The following GATAD2B variants were observed in gnomAD, a reference collection of about 807,000 sequenced individuals.
GATAD2B encodes the protein transcriptional repressor p66-beta.
GATAD2B carries 8 observed loss-of-function variants against 64.3 expected under a neutral mutation model. The ratio of observed to expected loss-of-function variants is 0.12; its 90% CI spans 0.07 to 0.22. The LOEUF (loss-of-function observed/expected upper bound fraction) is 0.22. Among genes scored for constraint, GATAD2B ranks in the 10% least tolerant of loss-of-function variants. The probability of loss-of-function intolerance (pLI) is 1.00; values close to 1 mark genes in which losing one functional copy is unlikely to be tolerated. For missense variants in GATAD2B, 453 were observed against 752.0 expected (o/e 0.60, Z 4.65); for synonymous variants, 281 against 271.3 (o/e 1.04, Z -0.35).
intron 1 of GATAD2B, among the ~76,000 whole-genome samples, chr1:153,912,811 G>C (rs1289200495): frequency 6.6e-6 from 1 of 152,118 alleles, no homozygotes; most frequent in African/African-American, 2.4e-5. Flanking sequence ...AGACAGGACA[G>C]GCTGGGCACA....
At chr1:153,836,557 A>T (rs1389129549) in intron 1 of GATAD2B, among the ~76,000 whole-genome samples, 1 of 131,126 alleles carries the variant, frequency 7.6e-6, no homozygotes, top group Non-Finnish European at 1.7e-5. Context: ...AGCCTAAAAA[A>T]GTTAAAAAAA....
chr1:153,824,780 A>G (rs907434547), intron 2 of GATAD2B, among the ~76,000 whole-genome samples: 1 of 151,848 alleles, frequency 6.6e-6, no homozygotes, highest in Admixed American at 6.6e-5. Context: ...GAGTGTTAAC[A>G]AAGTTTCTAT....
chr1:153,815,877 A>G (rs1674463651), intron 7 of GATAD2B, among the ~76,000 whole-genome samples: 1 of 151,912 alleles, frequency 6.6e-6, no homozygotes, highest in African/African-American at 2.4e-5. Context: ...ACATGATGAA[A>G]CCCCGTCTCT....
intron 1 of GATAD2B, among the ~76,000 whole-genome samples, 166 bp downstream of exon 1, chr1:153,922,567 C>A (rs1171079982): frequency 4.0e-5 from 6 of 150,080 alleles, no homozygotes; most frequent in African/African-American, 1.5e-4. Flanking sequence ...GGCGGGGGCG[C>A]GCGGGCGGGC....
chr1:153,819,734 C>A lies in GATAD2B; in HGVS notation c.337G>T (p.Glu113Ter). The A allele has an allele frequency of 6.3e-7, 1 of 1,590,916 alleles. No individual in the cohort carries two copies. The highest frequency in any genetic ancestry group is 8.5e-7 in the Non-Finnish European group (1 of 1,172,234). ...EPVDMSARRS[E>*]PERGRLTPSP... Reference sequence around the variant, plus strand: ...GGAGTTAGCCTTCCTCGCTCTGGCTCACTAGACAAGAAAGGGAAAAAATAA... The same window carrying A: ...GGAGTTAGCCTTCCTCGCTCTGGCTAACTAGACAAGAAAGGGAAAAAATAA... The change falls in exon 3 of 11, where the codon GAG becomes TAG. Residue 113 changes from glutamate to a stop codon, truncating the protein, a stop_gained and splice_region_variant. Coordinates refer to ENST00000368655, the MANE Select transcript of GATAD2B (RefSeq NM_020699.4). LOFTEE classifies it high-confidence loss of function.
At chr1:153,893,538 A>T (rs987196373) in intron 1 of GATAD2B, among the ~76,000 whole-genome samples, 3 of 151,740 alleles carry the variant, frequency 2.0e-5, no homozygotes, top group African/African-American at 7.3e-5. Flanking sequence ...GAGCTGCAGG[A>T]GGCAGAGGTT....
At chr1:153,846,931 G>A (rs777816319) in intron 1 of GATAD2B, among the ~76,000 whole-genome samples, 10 of 151,858 alleles carry the variant, frequency 6.6e-5, no homozygotes, top group African/African-American at 9.7e-5. Flanking sequence ...TAGTTCCAAC[G>A]AATTAGTCAT....
chr1:153,817,923 G>T, intron 5 of GATAD2B, 117 bp downstream of exon 5: 4 of 832,030 alleles, frequency 4.8e-6, no homozygotes, highest in Non-Finnish European at 7.4e-6. Context: ...AGAACAATCA[G>T]TAGTAATAAC....
At chr1:153,911,831 GTCC>G (rs754305728) in intron 1 of GATAD2B, among the ~76,000 whole-genome samples, 2 of 151,966 alleles carry the variant, frequency 1.3e-5, no homozygotes, top group Non-Finnish European at 2.9e-5. Flanking sequence ...AAATCTCACT[GTCC>G]TCCTCTAATA....
intron 1 of GATAD2B, among the ~76,000 whole-genome samples, chr1:153,868,700 CAT>C (rs555291457): frequency 5.8e-4 from 88 of 151,462 alleles, no homozygotes; most frequent in African/African-American, 1.9e-3. Flanking sequence ...ATCTTATTCA[CAT>C]GTCACCAGTT....
chr1:153,908,659 G>A (rs1678021414), intron 1 of GATAD2B, among the ~76,000 whole-genome samples: 1 of 151,380 alleles, frequency 6.6e-6, no homozygotes, highest in Non-Finnish European at 1.5e-5. Context: ...GTAGAAACAG[G>A]GATTCTCCAT....
intron 1 of GATAD2B, among the ~76,000 whole-genome samples, chr1:153,846,839 G>A (rs964610981): frequency 8.6e-5 from 13 of 151,906 alleles, no homozygotes; most frequent in African/African-American, 2.9e-4. Flanking sequence ...GATTACAGGC[G>A]TGAGCCACCG....
At position 153,916,022 on chromosome 1, in the gene GATAD2B, G is replaced by A. The variant is rs146531284; in HGVS notation, c.-2+6711C>T. Among the ~76,000 whole-genome samples the A allele has an allele frequency of 7.0e-4, 106 of 152,272 alleles. 1 individual carries two copies. The highest frequency in any genetic ancestry group is 1.3e-3 in the Non-Finnish European group (86 of 68,018). ...CAGCCGGGTGCGGTGGCTCACGCCT[G>A]TAATCCCAGTACTTTGGGAGGCCCA... is the stretch of plus-strand genomic sequence containing the variant. On this transcript the variant is annotated intron_variant, in intron 1 of 10. Coordinates refer to ENST00000368655, the MANE Select transcript of GATAD2B (RefSeq NM_020699.4).
At chr1:153,922,319 G>C (rs1426839698) in intron 1 of GATAD2B, among the ~76,000 whole-genome samples, 1 of 150,826 alleles carries the variant, frequency 6.6e-6, no homozygotes, top group Non-Finnish European at 1.5e-5. Context: ...GCGCTAGAGA[G>C]GAAAGGAGGG....
At chr1:153,864,867 G>A (rs1046300650) in intron 1 of GATAD2B, among the ~76,000 whole-genome samples, 5 of 151,618 alleles carry the variant, frequency 3.3e-5, no homozygotes, top group Non-Finnish European at 7.4e-5. Context: ...TCAGGAGTTC[G>A]AGACCAGCCA....
intron 6 of GATAD2B, 72 bp downstream of exon 6, chr1:153,817,300 A>C (rs1674509683): frequency 7.1e-7 from 1 of 1,400,738 alleles, no homozygotes; most frequent in African/African-American, 1.4e-5. Context: ...CTTAAAACCT[A>C]TGGCCCTTTC....
At chr1:153,922,570 G>T (rs1168355544) in intron 1 of GATAD2B, among the ~76,000 whole-genome samples, 163 bp downstream of exon 1, 1 of 150,406 alleles carries the variant, frequency 6.6e-6, no homozygotes, top group Non-Finnish European at 1.5e-5. Context: ...GGGGGCGCGC[G>T]GGCGGGCGTC....
chr1:153,880,383 C>T lies in GATAD2B; in HGVS notation c.-2+42350G>A, dbSNP rs149468925. 1.3e-3 allele frequency among the ~76,000 whole-genome samples: 204 copies of T among 152,154 alleles called. 1 individual carries two copies. The highest frequency in any genetic ancestry group is 4.7e-3 in the African/African-American group (195 of 41,510). ...TCGGGAGGCAGAGGCACAAAAATCA[C>T]TTGAACCTGGGAGGCAGGGGTTGCA... is the stretch of plus-strand genomic sequence containing the variant. On this transcript the variant is annotated intron_variant, in intron 1 of 10. Coordinates refer to ENST00000368655, the MANE Select transcript of GATAD2B (RefSeq NM_020699.4).
At chr1:153,909,988 G>A (rs2101967656) in intron 1 of GATAD2B, among the ~76,000 whole-genome samples, 1 of 150,456 alleles carries the variant, frequency 6.6e-6, no homozygotes, top group East Asian at 1.9e-4. Flanking sequence ...GGTGGCGCAT[G>A]CCTGTAGTTC....
Sources: gnomAD v4.1 joint callset for allele counts (sites outside exome capture counted in the v4.1 genomes callset) on GRCh38, gnomAD v4.1.1 for gene constraint, MANE v1.5 for transcripts, NCBI Gene and HGNC (gene_info 2026-07-23, HGNC 2026-07-21) for gene names.